Variants in TBC1D23 observed in about 807,000 individuals in gnomAD.
TBC1D23 encodes TBC1 domain family member 23, also known as HCV non-structural protein 4A-transactivated protein 1.
TBC1D23 carries 55 observed loss-of-function variants against 91.4 expected under a neutral mutation model. The observed-to-expected ratio is 0.60, with a 90% CI of 0.48 to 0.75. The LOEUF is 0.75. Ranked by LOEUF, TBC1D23 falls within the 30% of genes least tolerant of loss-of-function variation. TBC1D23 has a pLI of 0.00. For synonymous variants in TBC1D23, 289 were observed against 281.0 expected, an observed-to-expected ratio of 1.03 and a Z score of -0.28; for missense variants, 725 against 836.1, an observed-to-expected ratio of 0.87 and a Z score of 1.64.
chr3:100,291,862 G>A (rs2067794262), intron 5 of TBC1D23, among the ~76,000 whole-genome samples: 1 of 149,956 alleles, frequency 6.7e-6, no homozygotes, highest in South Asian at 2.1e-4. Context: ...TGGCTCCCAG[G>A]TTAAGCGATT....
intron 1 of TBC1D23, among the ~76,000 whole-genome samples, chr3:100,267,683 G>T (rs2067568007): frequency 1.3e-5 from 2 of 152,192 alleles, no homozygotes; most frequent in South Asian, 4.1e-4. Context: ...GCTCCAATGA[G>T]CATTCCTGTG....
At chr3:100,306,317 A>T in intron 12 of TBC1D23, 120 bp from the exon 13 acceptor site, 8 of 583,042 alleles carry the variant, frequency 1.4e-5, no homozygotes, top group Non-Finnish European at 2.1e-5. Context: ...AATACCTGTG[A>T]TTATTTCCTT....
At chr3:100,301,030 TTG>T (rs1002764854) in intron 10 of TBC1D23, among the ~76,000 whole-genome samples, 13 of 152,334 alleles carry the variant, frequency 8.5e-5, no homozygotes, top group Admixed American at 5.9e-4. Context: ...TTTTGTTTTC[TTG>T]TAATAATGCT....
chr3:100,303,254 G>T (rs1294330229), intron 11 of TBC1D23, among the ~76,000 whole-genome samples: 9 of 152,118 alleles, frequency 5.9e-5, no homozygotes, highest in Non-Finnish European at 1.3e-4. Context: ...ACTCAATTTG[G>T]ATTCATTTCT....
In TBC1D23 at chr3:100,314,212, T is replaced by C. The variant is rs189579066; in HGVS notation, c.1599-1887T>C. On this transcript the variant is annotated intron_variant, in intron 15 of 18. Transcript: ENST00000394144. ...CTCCTGGGTTCAAGTGATTCTCCTG[T>C]CTCGCCCTCCCAAGTAGCTGGGACT... 1.9e-4 allele frequency among the ~76,000 whole-genome samples: 29 copies of C among 150,770 alleles called. 1 individual carries two copies. The East Asian group carries it at 5.7e-3, about 30-fold the overall frequency.
chr3:100,300,498 ATTTT>A (rs66553332), intron 10 of TBC1D23, among the ~76,000 whole-genome samples: 17 of 125,396 alleles, frequency 1.4e-4, no homozygotes, highest in Admixed American at 1.0e-3. Flanking sequence ...ACTTGAATTA[ATTTT>A]TTTTTTTTTT....
chr3:100,320,636 G>C, intron 17 of TBC1D23, 141 bp from the exon 18 acceptor site: 1 of 443,816 alleles, frequency 2.3e-6, no homozygotes, highest in Non-Finnish European at 3.8e-6. Context: ...CTTGTTTATA[G>C]ATTAACCTCT....
chr3:100,276,292 A>G (rs946515674), intron 1 of TBC1D23, among the ~76,000 whole-genome samples: 1 of 151,728 alleles, frequency 6.6e-6, no homozygotes, highest in African/African-American at 2.4e-5. Flanking sequence ...TTCCTATAAT[A>G]TATATTATAG....
chr3:100,264,733 A>G (rs980669716), intron 1 of TBC1D23, among the ~76,000 whole-genome samples: 1 of 152,228 alleles, frequency 6.6e-6, no homozygotes. Context: ...GAAATTGTAT[A>G]TACATTCTTA....
chr3:100,319,253 T>C (rs1705807984), intron 17 of TBC1D23, 49 bp downstream of exon 17: 8 of 1,499,764 alleles, frequency 5.3e-6, no homozygotes, highest in Non-Finnish European at 7.3e-6. Context: ...TTTGGGGAAG[T>C]TAATAATACA....
intron 14 of TBC1D23, 129 bp from the exon 15 acceptor site, chr3:100,311,704 A>T: frequency 1.7e-6 from 1 of 598,310 alleles, no homozygotes; most frequent in Admixed American, 3.2e-5. Context: ...ACTTGGGATG[A>T]TGGAAACATC....
At chr3:100,310,024 C>A (rs1705597979) in intron 13 of TBC1D23, among the ~76,000 whole-genome samples, 1 of 152,214 alleles carries the variant, frequency 6.6e-6, no homozygotes, top group African/African-American at 2.4e-5. Context: ...TCTTACTGTT[C>A]TGGAGGCTAA....
intron 1 of TBC1D23, among the ~76,000 whole-genome samples, chr3:100,276,713 G>C (rs1171049249): frequency 1.3e-5 from 2 of 152,172 alleles, no homozygotes; most frequent in Non-Finnish European, 2.9e-5. Flanking sequence ...CATCAGGTGA[G>C]GGGAAATTCT....
rs1294526866 is a variant in TBC1D23, at chr3:100,325,059, C to G, written c.*1391C>G. The G allele has an allele frequency of 6.6e-6, 1 of 152,204 alleles. No homozygotes were observed. The highest frequency in any genetic ancestry group is 1.9e-4 in the East Asian group (1 of 5,206). 9.4% of individuals were successfully genotyped at this position (152,204 alleles called of 1,614,324 possible). A position where few individuals can be genotyped will look rare whatever the true frequency, so the allele number is the denominator to read the frequency against. On this transcript the variant is annotated 3_prime_UTR_variant, in exon 19 of 19. Transcript: ENST00000394144. ...CCTAGGTGCATTACTTGATATAACTCTCCCCTAAAACTGTTGTAATTGCAT... is the reference window on the plus strand; with the variant it reads ...CCTAGGTGCATTACTTGATATAACTGTCCCCTAAAACTGTTGTAATTGCAT...
intron 5 of TBC1D23, among the ~76,000 whole-genome samples, chr3:100,292,952 T>A (rs1288098637): frequency 2.6e-5 from 4 of 152,056 alleles, no homozygotes; most frequent in African/African-American, 9.7e-5. Context: ...ATCTACCTAT[T>A]TATGTTAAGG....
chr3:100,284,593 G>T (rs923167782), intron 4 of TBC1D23, among the ~76,000 whole-genome samples: 20 of 152,078 alleles, frequency 1.3e-4, no homozygotes, highest in Admixed American at 2.0e-4. Context: ...TTACCTTGGA[G>T]GTCAGGGATG....
chr3:100,312,898 A>G (rs1705652328), intron 15 of TBC1D23, among the ~76,000 whole-genome samples: 1 of 152,056 alleles, frequency 6.6e-6, no homozygotes, highest in Non-Finnish European at 1.5e-5. Context: ...TCACACCTGT[A>G]ATCCCAGCAC....
chr3:100,294,760 A>G (rs934508107), intron 5 of TBC1D23, among the ~76,000 whole-genome samples: 4 of 152,210 alleles, frequency 2.6e-5, no homozygotes, highest in Non-Finnish European at 5.9e-5. Flanking sequence ...TAGTTATGCT[A>G]TGGCAAAGAT....
At chr3:100,315,995 G>A in intron 15 of TBC1D23, 104 bp from the exon 16 acceptor site, 2 of 908,608 alleles carry the variant, frequency 2.2e-6, no homozygotes, top group Non-Finnish European at 1.8e-6. Context: ...GGGGGGTCAG[G>A]TAAGGAATAA....
Sources: gnomAD v4.1 joint callset for allele counts (sites outside exome capture counted in the v4.1 genomes callset) on GRCh38, gnomAD v4.1.1 for gene constraint, MANE v1.5 for transcripts, NCBI Gene and HGNC (gene_info 2026-07-23, HGNC 2026-07-21) for gene names.